Variants in TRPM3 observed in about 807,000 individuals in gnomAD.
TRPM3 encodes transient receptor potential cation channel subfamily M member 3.
A neutral mutation model predicts 181.2 loss-of-function variants in TRPM3; 77 were observed. The ratio of observed to expected loss-of-function variants is 0.42; its 90% CI spans 0.35 to 0.51. The LOEUF (loss-of-function observed/expected upper bound fraction) is 0.51. TRPM3 is among the 20% of genes least tolerant of loss of function. The pLI, the probability that TRPM3 is intolerant of heterozygous loss-of-function variation, is 0.01. For synonymous variants in TRPM3, 745 were observed against 796.4 expected, an observed-to-expected ratio of 0.94 and a Z score of 1.09; for missense variants, 1,759 against 2,196.7, an observed-to-expected ratio of 0.80 and a Z score of 3.98.
upstream of TRPM3, among the ~76,000 whole-genome samples, chr9:71,125,819 T>G (rs1656394921): frequency 6.6e-6 from 1 of 152,190 alleles, no homozygotes. Flanking sequence ...AGGCTAAGAT[T>G]TCATGACGAA....
intron 1 of TRPM3, among the ~76,000 whole-genome samples, chr9:71,389,960 G>A (rs1319999162): frequency 1.3e-5 from 2 of 151,842 alleles, no homozygotes; most frequent in Non-Finnish European, 1.5e-5. Context: ...AATAACTTAT[G>A]GAAAAATAAA....
At chr9:70,766,497 G>T (rs112129739) in intron 7 of TRPM3, among the ~76,000 whole-genome samples, 2 of 150,912 alleles carry the variant, frequency 1.3e-5, no homozygotes, top group African/African-American at 4.9e-5. Context: ...GAAAATTTTA[G>T]CTATATAAAA....
intron 1 of TRPM3, among the ~76,000 whole-genome samples, chr9:71,240,035 T>G (rs1332906127): frequency 1.3e-5 from 2 of 152,182 alleles, no homozygotes; most frequent in African/African-American, 2.4e-5. Context: ...TTTATTCGCT[T>G]GAAAGGTTTC....
At chr9:71,105,733 G>A (rs1228714021) in intron 1 of TRPM3, among the ~76,000 whole-genome samples, 1 of 152,126 alleles carries the variant, frequency 6.6e-6, no homozygotes, top group Non-Finnish European at 1.5e-5. Flanking sequence ...TAGGAGAGGC[G>A]TTCTCTTCTC....
At chr9:70,769,072 C>T (rs1227475768) in intron 7 of TRPM3, among the ~76,000 whole-genome samples, 1 of 152,102 alleles carries the variant, frequency 6.6e-6, no homozygotes, top group East Asian at 1.9e-4. Context: ...AGTCCATTTC[C>T]CAGTGTTAAT....
intron 25 of TRPM3, 54 bp from the exon 26 acceptor site, chr9:70,537,459 T>A (rs2042088408): frequency 7.2e-7 from 1 of 1,391,114 alleles, no homozygotes; most frequent in Non-Finnish European, 9.3e-7. Context: ...CTGCTGGGGC[T>A]TTAGAGAGCA....
chr9:71,371,735 C>G (rs1666384005), intron 1 of TRPM3, among the ~76,000 whole-genome samples: 2 of 152,254 alleles, frequency 1.3e-5, no homozygotes, highest in South Asian at 2.1e-4. Flanking sequence ...TTTGAAAGTT[C>G]TACTGTGGGT....
intron 1 of TRPM3, among the ~76,000 whole-genome samples, chr9:71,182,825 C>G (rs1265808741): frequency 6.6e-6 from 1 of 152,002 alleles, no homozygotes; most frequent in Non-Finnish European, 1.5e-5. Context: ...CCACTCTCAG[C>G]TAATTTTTCT....
chr9:70,591,242 A>G (rs1161677149), intron 21 of TRPM3, 37 bp from the exon 22 acceptor site: 2 of 1,574,294 alleles, frequency 1.3e-6, no homozygotes, highest in Non-Finnish European at 1.7e-6. Flanking sequence ...AAACAAGAGA[A>G]AACCCATATG....
At chr9:70,975,514 C>G (rs567676838) in intron 1 of TRPM3, among the ~76,000 whole-genome samples, 6 of 152,306 alleles carry the variant, frequency 3.9e-5, no homozygotes, top group African/African-American at 1.4e-4. Flanking sequence ...AGTTACCTAA[C>G]ACTCTGTAGC....
At chr9:71,209,365 G>A (rs1489450174) in intron 1 of TRPM3, among the ~76,000 whole-genome samples, 1 of 89,484 alleles carries the variant, frequency 1.1e-5, no homozygotes, top group Admixed American at 1.3e-4. Context: ...CAATGAGGGG[G>A]TGGGGGGAGA....
intron 1 of TRPM3, among the ~76,000 whole-genome samples, chr9:71,205,413 A>G (rs531799392): frequency 1.4e-3 from 207 of 152,280 alleles, no homozygotes; most frequent in African/African-American, 4.6e-3. Context: ...TTTGAGTTTT[A>G]AGAGTGCCAG....
rs143775060 is a variant in TRPM3, at chr9:70,972,552, T to G, written c.178-108041A>C. 8.0e-3 allele frequency among the ~76,000 whole-genome samples: 1,214 copies of G among 152,262 alleles called. 4 individuals carry two copies. Among genetic ancestry groups the G allele is most frequent in the Middle Eastern group, 0.02 (6 of 294 alleles). ...AAAGTGTTCTGGAATTCGAGAGTGA[T>G]GAGGGATGCACAACTTGTAGTCTAC... On this transcript the variant is annotated intron_variant, in intron 1 of 25. Coordinates refer to ENST00000677713, the MANE Select transcript of TRPM3 (RefSeq NM_001366145.2).
At chr9:71,225,419 C>CCAGA (rs1479904130) in intron 1 of TRPM3, among the ~76,000 whole-genome samples, 4 of 151,920 alleles carry the variant, frequency 2.6e-5, no homozygotes, top group Non-Finnish European at 5.9e-5. Flanking sequence ...AAAGACTTTT[C>CCAGA]CAGACAAACA....
At chr9:71,301,882 A>G (rs2086808877) in intron 1 of TRPM3, among the ~76,000 whole-genome samples, 1 of 152,172 alleles carries the variant, frequency 6.6e-6, no homozygotes, top group African/African-American at 2.4e-5. Context: ...ATAAATATTA[A>G]ATTCCTTTCT....
At chr9:70,600,481 T>G (rs1173432699) in intron 20 of TRPM3, among the ~76,000 whole-genome samples, 1 of 151,968 alleles carries the variant, frequency 6.6e-6, no homozygotes, top group African/African-American at 2.4e-5. Flanking sequence ...GAGCCCTATT[T>G]TTCACAGGCA....
At chr9:70,802,397 C>G (rs1289067663) in intron 6 of TRPM3, among the ~76,000 whole-genome samples, 1 of 152,164 alleles carries the variant, frequency 6.6e-6, no homozygotes, top group Admixed American at 6.5e-5. Context: ...CAGCCAGAGA[C>G]ATCACATAAA....
At chr9:70,771,403 A>AT (rs1354015172) in intron 7 of TRPM3, among the ~76,000 whole-genome samples, 1 of 151,608 alleles carries the variant, frequency 6.6e-6, no homozygotes, top group East Asian at 1.9e-4. Flanking sequence ...CTTGTTTGTT[A>AT]TTTTTTCTTC....
At chr9:71,181,440 G>C (rs2077398210) in intron 1 of TRPM3, among the ~76,000 whole-genome samples, 1 of 148,414 alleles carries the variant, frequency 6.7e-6, no homozygotes, top group Admixed American at 6.7e-5. Flanking sequence ...ACAATAATCT[G>C]AGCCCTTAGG....
Sources: allele counts gnomAD v4.1 joint callset (sites outside exome capture counted in the v4.1 genomes callset), GRCh38; gene constraint gnomAD v4.1.1; transcripts MANE v1.5; gene names NCBI Gene and HGNC (gene_info 2026-07-23, HGNC 2026-07-21).